The following ZDHHC1 variants were observed in gnomAD, a reference collection of about 807,000 sequenced individuals.
The protein encoded by ZDHHC1 is zDHHC palmitoyltransferase 1.
A neutral mutation model predicts 46.9 loss-of-function variants in ZDHHC1; 45 were observed. The observed-to-expected ratio is 0.96, with a 90% CI of 0.76 to 1.23. The LOEUF is 1.23. Ranked by LOEUF, ZDHHC1 falls within the 50% of genes most tolerant of loss-of-function variation. The pLI, the probability that ZDHHC1 is intolerant of heterozygous loss-of-function variation, is 0.00. For missense variants in ZDHHC1, 649 were observed against 670.8 expected (o/e 0.97, Z 0.36); for synonymous variants, 291 against 286.0 (o/e 1.02, Z -0.18).
At position 67,395,521 on chromosome 16, in the gene ZDHHC1, G is replaced by C. The variant is rs1204277799; in HGVS notation, c.973C>G (p.Pro325Ala). 1.9e-6 allele frequency: 3 copies of C among 1,555,322 alleles called. No homozygotes were observed. The highest frequency in any genetic ancestry group is 2.6e-6 in the Non-Finnish European group (3 of 1,148,824). The change falls in exon 9 of 12, where the codon CCC (proline) becomes GCC (alanine). Residue 325 changes from proline (P) to alanine (A), a missense_variant. Transcript: ENST00000565726. ...MRTFRHMRPE[P>A]PGQAGPAAVN... Reference sequence around the variant, plus strand: ...GCTGCTGGCCCGGCCTGGCCAGGGGGCTCTGGGCGCATATGTCTGAAGGTC... The same window carrying C: ...GCTGCTGGCCCGGCCTGGCCAGGGGCCTCTGGGCGCATATGTCTGAAGGTC...
In ZDHHC1 at chr16:67,394,656, C is replaced by T; in HGVS notation, c.1403G>A (p.Ser468Asn). 1.4e-5 allele frequency: 17 copies of T among 1,237,910 alleles called. No individual in the cohort carries two copies. Among genetic ancestry groups the T allele is most frequent in the Non-Finnish European group, 1.6e-5 (16 of 992,528 alleles). 76.7% of individuals were successfully genotyped at this position (1,237,910 alleles called of 1,614,324 possible). The change falls in exon 12 of 12, where the codon AGC becomes AAC. Residue 468 changes from serine to asparagine, a missense_variant. Physicochemically the swap from Ser to Asn is conservative, Grantham distance 46 (BLOSUM62 1). Coordinates refer to ENST00000565726, the MANE Select transcript of ZDHHC1 (RefSeq NM_001323627.2). ...RAPAVFVSPSSGEPRAPGGRE... is the reference protein window; with the variant it reads ...RAPAVFVSPSNGEPRAPGGRE... ...GCCGCCCGGCGCCCTGGGCTCGCCG[C>T]TGCTCGGGCTCACGAAAACGGCGGG...
Position 67,394,496 on chromosome 16 carries a change from C to T in ZDHHC1, c.*114G>A. 1.1e-6 allele frequency: 1 copy of T among 942,272 alleles called. No homozygotes were observed. Among genetic ancestry groups the T allele is most frequent in the Non-Finnish European group, 1.3e-6 (1 of 758,232 alleles). 58.4% of individuals were successfully genotyped at this position (942,272 alleles called of 1,614,324 possible). A position where few individuals can be genotyped will look rare whatever the true frequency, so the allele number is the denominator to read the frequency against. On this transcript the variant is annotated 3_prime_UTR_variant, in exon 12 of 12. Transcript: ENST00000565726. ...ATTGCTGAGTCGTGGGGGAGGGAGG[C>T]CGATCCCGCCGGCCGTAGGGGCCCC...
intron 7 of ZDHHC1, 59 bp downstream of exon 7, chr16:67,398,514 C>T: frequency 1.3e-6 from 2 of 1,547,570 alleles, no homozygotes; most frequent in East Asian, 2.4e-5. Context: ...TCCAACTGGG[C>T]ACCTTCCTGC....
At chr16:67,413,212 T>C (rs2040778619) in intron 1 of ZDHHC1, among the ~76,000 whole-genome samples, 2 of 152,136 alleles carry the variant, frequency 1.3e-5, no homozygotes, top group South Asian at 4.1e-4. Context: ...CCCAAAGCGC[T>C]GGGATTACAG....
Position 67,394,664 on chromosome 16 carries a change from G to A in ZDHHC1, c.1395C>T (p.Ser465=). The A allele has an allele frequency of 8.0e-7, 1 of 1,247,524 alleles. No homozygotes were observed. The highest frequency in any genetic ancestry group is 1.6e-5 in the African/African-American group (1 of 63,466). 77.3% of individuals were successfully genotyped at this position (1,247,524 alleles called of 1,614,324 possible). ...GCGCCCTGGGCTCGCCGCTGCTCGG[G>A]CTCACGAAAACGGCGGGCGCACGCG... ...RQARAPAVFV[S]PSSGEPRAPG... Residue 465 remains serine (S), a synonymous_variant, in exon 12 of 12, where the codon AGC becomes AGT. Coordinates refer to ENST00000565726, the MANE Select transcript of ZDHHC1 (RefSeq NM_001323627.2).
chr16:67,401,197 G>A lies in ZDHHC1; in HGVS notation c.253-65C>T. 1 of 1,576,476 alleles carries A rather than the reference G, an allele frequency of 6.3e-7. No homozygotes were observed. The highest frequency in any genetic ancestry group is 8.6e-7 in the Non-Finnish European group (1 of 1,162,562). On this transcript the variant is annotated intron_variant, in intron 3 of 11. Coordinates refer to ENST00000565726, the MANE Select transcript of ZDHHC1 (RefSeq NM_001323627.2). This position sits in a 1 kb window ranked among gnomAD's most constrained non-coding sequence, Gnocchi z 4.6. ...TGGGAGTCCTGCCCCGTTCCTTGCA[G>A]CCAGAGAACTCCCCACTGCCATGCC...
rs1490757872 is a variant in ZDHHC1 at position 67,416,143 on chromosome 16, G to A, written c.-39+28C>T. 4 of 152,320 alleles carry A rather than the reference G, an allele frequency of 2.6e-5. No individual in the cohort carries two copies. In the East Asian group the frequency reaches 7.7e-4, roughly 29 times the overall value. The allele number at this position is 152,320 out of a possible 1,614,324, so 9.4% of individuals were successfully genotyped here. ...CCCCGTGGCTCAAGCCAGGCTCCGA[G>A]GTGAGAAACCGGGCGGGGACTCCTC... On this transcript the variant is annotated intron_variant, in intron 1 of 11. Coordinates refer to ENST00000565726, the MANE Select transcript of ZDHHC1 (RefSeq NM_001323627.2).
intron 1 of ZDHHC1, 28 bp from the exon 2 acceptor site, chr16:67,407,841 T>A: frequency 1.3e-6 from 1 of 771,970 alleles, no homozygotes; most frequent in Middle Eastern, 2.3e-4. Context: ...GTGGGCACAG[T>A]AAATGGTGTG....
At position 67,398,577 on chromosome 16, in the gene ZDHHC1, A is replaced by C. The variant is rs952853856; in HGVS notation, c.810T>G (p.Tyr270Ter). The C allele has an allele frequency of 3.8e-6, 6 of 1,599,294 alleles. No individual in the cohort carries two copies. Residue 270 changes from tyrosine to a stop codon, truncating the protein, a stop_gained, in exon 7 of 12, where the codon TAT becomes TAG. Coordinates refer to ENST00000565726, the MANE Select transcript of ZDHHC1 (RefSeq NM_001323627.2). LOFTEE classifies it high-confidence loss of function. ...LLGHLLCFHI[Y>*]LMWHKLTTYE... Reference sequence around the variant, plus strand: ...GCAGGTGCAGGAGGCACTTACTGAGATAAATGTGGAAGCAGAGCAGGTGCC... The same window carrying C: ...GCAGGTGCAGGAGGCACTTACTGAGCTAAATGTGGAAGCAGAGCAGGTGCC...
At chr16:67,404,999 C>A (rs142879205) in intron 3 of ZDHHC1, among the ~76,000 whole-genome samples, 1 of 152,326 alleles carries the variant, frequency 6.6e-6, no homozygotes, top group Non-Finnish European at 1.5e-5. Context: ...ATGACGCATT[C>A]CCATGTCCCA....
chr16:67,410,312 C>T (rs2040730215), intron 1 of ZDHHC1, among the ~76,000 whole-genome samples: 1 of 152,228 alleles, frequency 6.6e-6, no homozygotes, highest in African/African-American at 2.4e-5. Context: ...CCTTGCTGCC[C>T]ACCTGGCTAC....
Position 67,398,782 on chromosome 16 carries a change from G to C in ZDHHC1, c.655+38C>G, listed in dbSNP as rs1597534710. ...CAGCCGGGGACGTGACGGGTGACCA[G>C]GGTTGGGGGTGAGAATAGGCCCGGA... On this transcript the variant is annotated intron_variant, in intron 6 of 11. Coordinates refer to ENST00000565726, the MANE Select transcript of ZDHHC1 (RefSeq NM_001323627.2). 2.5e-6 allele frequency: 4 copies of C among 1,612,478 alleles called. No individual in the cohort carries two copies. The Admixed American group carries it at 6.7e-5, about 27-fold the overall frequency.
chr16:67,395,891 T>A (rs993871167), intron 8 of ZDHHC1: 3 of 330,246 alleles, frequency 9.1e-6, no homozygotes, highest in Admixed American at 4.5e-5. Flanking sequence ...TGCCCGCACC[T>A]GCTCCTGGTG....
In ZDHHC1 at chr16:67,394,647, G is replaced by A. The variant is rs749487309; in HGVS notation, c.1412C>T (p.Pro471Leu). 49 of 1,219,108 alleles carry A rather than the reference G, an allele frequency of 4.0e-5. No homozygotes were observed. The highest frequency in any genetic ancestry group is 1.0e-5 in the Non-Finnish European group (10 of 980,826). The allele number at this position is 1,219,108 out of a possible 1,614,324, so 75.5% of individuals were successfully genotyped here. A position where few individuals can be genotyped will look rare whatever the true frequency, so the allele number is the denominator to read the frequency against. Reference sequence around the variant, plus strand: ...AGCCTCCCGGCCGCCCGGCGCCCTGGGCTCGCCGCTGCTCGGGCTCACGAA... The same window carrying A: ...AGCCTCCCGGCCGCCCGGCGCCCTGAGCTCGCCGCTGCTCGGGCTCACGAA... The part of the protein sequence containing the change: ...AVFVSPSSGE[P>L]RAPGGREAGL... Residue 471 changes from proline to leucine, a missense_variant, in exon 12 of 12, where the codon CCC becomes CTC. Pro to Leu is a moderately conservative substitution (Grantham distance 98, BLOSUM62 -3). Transcript: ENST00000565726.
At chr16:67,409,206 C>G (rs1460388755) in intron 1 of ZDHHC1, among the ~76,000 whole-genome samples, 3 of 152,152 alleles carry the variant, frequency 2.0e-5, no homozygotes, top group East Asian at 3.9e-4. Flanking sequence ...GGGGATGGCT[C>G]TGACTCCAAA....
chr16:67,399,026 T>TGA (rs1470990229), intron 5 of ZDHHC1, 82 bp from the exon 6 acceptor site: 2 of 1,530,742 alleles, frequency 1.3e-6, no homozygotes, highest in Non-Finnish European at 1.8e-6. Context: ...GTAGGGTCAT[T>TGA]GCTATGGGCT....
At chr16:67,415,812 A>G (rs1019990977) in intron 1 of ZDHHC1, among the ~76,000 whole-genome samples, 1 of 152,174 alleles carries the variant, frequency 6.6e-6, no homozygotes, top group Admixed American at 6.5e-5. Context: ...CAGACCCTCC[A>G]TGACCAACCC....
intron 4 of ZDHHC1, among the ~76,000 whole-genome samples, chr16:67,399,881 T>C (rs2040516150): frequency 6.6e-6 from 1 of 152,100 alleles, no homozygotes; most frequent in African/African-American, 2.4e-5. Flanking sequence ...AGTGGGCCCC[T>C]GTTTCCCTGC....
At chr16:67,404,765 C>A (rs767695448) in intron 3 of ZDHHC1, 8 of 454,550 alleles carry the variant, frequency 1.8e-5, no homozygotes, top group Non-Finnish European at 3.1e-5. Context: ...CAATGAGGAC[C>A]AAATGAGATC....
Sources: allele counts gnomAD v4.1 joint callset (sites outside exome capture counted in the v4.1 genomes callset), GRCh38; gene constraint gnomAD v4.1.1; non-coding constraint Gnocchi (gnomAD v3.1); transcripts MANE v1.5; gene names NCBI Gene and HGNC (gene_info 2026-07-23, HGNC 2026-07-21).